The following LHCGR variants were observed in gnomAD, a reference collection of about 807,000 sequenced individuals.
LHCGR encodes the protein lutropin-choriogonadotropic hormone receptor.
Under a neutral mutation model 60.7 loss-of-function variants are expected in LHCGR, and 55 were observed. The ratio of observed to expected loss-of-function variants is 0.91; its 90% confidence interval spans 0.73 to 1.13. LHCGR has a LOEUF of 1.13. Ranked by LOEUF, LHCGR falls within the 50% of genes most tolerant of loss-of-function variation. LHCGR has a pLI of 0.00. For missense variants in LHCGR, 862 were observed against 836.0 expected (o/e 1.03, Z -0.38); for synonymous variants, 337 against 316.5 (o/e 1.06, Z -0.69).
rs776935567 is a variant in LHCGR at position 48,688,208 on chromosome 2, G to A, written c.1589C>T (p.Thr530Ile). ...ETTLSQVYIL[T>I]ILILNVVAFF... Reference sequence around the variant, plus strand: ...GGCCACCACATTGAGAATCAGGATGGTTAATATATAGACTTGTGAGAGAGT... The same window carrying A: ...GGCCACCACATTGAGAATCAGGATGATTAATATATAGACTTGTGAGAGAGT... The change falls in exon 11 of 11, where the codon ACC becomes ATC. Residue 530 changes from threonine (T) to isoleucine (I), a missense_variant. Coordinates refer to ENST00000294954, the MANE Select transcript of LHCGR (RefSeq NM_000233.4). This position sits in a 1 kb window ranked among gnomAD's most constrained non-coding sequence, Gnocchi z 5.2. 2.8e-5 allele frequency: 45 copies of A among 1,614,030 alleles called. No homozygotes were observed. Among genetic ancestry groups the A allele is most frequent in the Middle Eastern group, 1.6e-4 (1 of 6,084 alleles).
chr2:48,740,931 T>C (rs1386620271), intron 1 of LHCGR, among the ~76,000 whole-genome samples: 2 of 152,144 alleles, frequency 1.3e-5, no homozygotes, highest in Admixed American at 6.5e-5. Flanking sequence ...GCAAAGAAGT[T>C]GAAAACTTTG....
intron 4 of LHCGR, 26 bp from the exon 5 acceptor site, chr2:48,723,722 G>A: frequency 6.5e-7 from 1 of 1,548,740 alleles, no homozygotes; most frequent in South Asian, 1.1e-5. Context: ...GGATAGTGGT[G>A]TGGGCAGAGA....
At chr2:48,714,282 A>G (rs1668132774) in intron 6 of LHCGR, among the ~76,000 whole-genome samples, 1 of 152,156 alleles carries the variant, frequency 6.6e-6, no homozygotes, top group Admixed American at 6.5e-5. Context: ...CATCATTTCC[A>G]TTATACCGAC....
At chr2:48,737,937 C>A (rs978241787) in intron 1 of LHCGR, among the ~76,000 whole-genome samples, 2 of 152,182 alleles carry the variant, frequency 1.3e-5, no homozygotes, top group African/African-American at 2.4e-5. Flanking sequence ...AATTCAGAGG[C>A]AGATCTGGAC....
intron 1 of LHCGR, among the ~76,000 whole-genome samples, chr2:48,745,379 A>C (rs1454861992): frequency 6.6e-6 from 1 of 152,184 alleles, no homozygotes; most frequent in African/African-American, 2.4e-5. Flanking sequence ...TCATGCCGCT[A>C]TAAAGACACA....
intron 1 of LHCGR, among the ~76,000 whole-genome samples, chr2:48,750,804 AT>A (rs1194160312): frequency 5.3e-5 from 8 of 152,246 alleles, no homozygotes; most frequent in Admixed American, 3.9e-4. Flanking sequence ...GTGGGGAGGA[AT>A]TTCCCCCTGC....
rs760782224 is a variant in LHCGR, at chr2:48,688,029, T to C, written c.1768A>G (p.Ile590Val). Residue 590 changes from isoleucine to valine, a missense_variant, in exon 11 of 11, where the codon ATC becomes GTC. Physicochemically the swap from Ile to Val is conservative, Grantham distance 29. Transcript: ENST00000294954. The surrounding 1 kb of genome is among the most constrained non-coding windows in gnomAD (Gnocchi z 5.2). ...AGAGGTACTTTGAAGGCAGCTGAGA[T>C]GGCAAAAAAAGAGATAGGTGCCATG... ...TCMAPISFFA[I>V]SAAFKVPLIT... 1 of 1,614,138 alleles carries C rather than the reference T, an allele frequency of 6.2e-7. No individual in the cohort carries two copies. The highest frequency in any genetic ancestry group is 1.7e-5 in the Admixed American group (1 of 60,018).
intron 3 of LHCGR, among the ~76,000 whole-genome samples, chr2:48,726,682 G>A (rs1260026452): frequency 6.6e-6 from 1 of 152,240 alleles, no homozygotes; most frequent in Non-Finnish European, 1.5e-5. Context: ...TTGGTTAGGA[G>A]CATGGGCTCT....
chr2:48,718,656 A>G (rs1022549859), intron 6 of LHCGR, among the ~76,000 whole-genome samples: 1 of 152,240 alleles, frequency 6.6e-6, no homozygotes, highest in African/African-American at 2.4e-5. Context: ...TAAAGAAAAG[A>G]AAAGGAAGTC....
chr2:48,706,228 C>G (rs896578369), intron 8 of LHCGR, among the ~76,000 whole-genome samples: 1 of 152,246 alleles, frequency 6.6e-6, no homozygotes, highest in Non-Finnish European at 1.5e-5. Flanking sequence ...GGCCCCCACT[C>G]TCTTCTGGCT....
chr2:48,733,023 T>C (rs941920601), intron 1 of LHCGR: 5 of 524,492 alleles, frequency 9.5e-6, no homozygotes, highest in Non-Finnish European at 1.6e-5. Flanking sequence ...TGGAATCATG[T>C]TCGCTTGGCT....
At chr2:48,741,927 G>A (rs1669475025) in intron 1 of LHCGR, among the ~76,000 whole-genome samples, 1 of 152,080 alleles carries the variant, frequency 6.6e-6, no homozygotes, top group South Asian at 2.1e-4. Flanking sequence ...ACCCATCAGT[G>A]TGCTGTATTC....
intron 6 of LHCGR, among the ~76,000 whole-genome samples, chr2:48,715,431 G>C (rs537744357): frequency 6.6e-6 from 1 of 152,230 alleles, no homozygotes; most frequent in South Asian, 2.1e-4. Flanking sequence ...CGTGAGAAAG[G>C]GCTGTGGTGT....
chr2:48,706,525 C>A (rs1165328880), intron 8 of LHCGR, among the ~76,000 whole-genome samples: 2 of 152,236 alleles, frequency 1.3e-5, no homozygotes, highest in Non-Finnish European at 2.9e-5. Flanking sequence ...TTCAGGTACA[C>A]CAATCAAACG....
At chr2:48,750,322 A>G (rs887536028) in intron 1 of LHCGR, among the ~76,000 whole-genome samples, 1 of 152,046 alleles carries the variant, frequency 6.6e-6, no homozygotes, top group African/African-American at 2.4e-5. Flanking sequence ...GTTTGTTTTT[A>G]TTAAGGAATC....
rs993901391 is a variant in LHCGR at position 48,711,634 on chromosome 2, C to T, written c.605+2352G>A. On this transcript the variant is annotated intron_variant, in intron 7 of 10. Transcript: ENST00000294954. The stretch of plus-strand genomic sequence containing the variant: ...CTCCTAAATTTCTGTTTTTCCTGAC[C>T]TCACACAGACATACTGTGTTGGTTT... 5.9e-5 allele frequency among the ~76,000 whole-genome samples: 9 copies of T among 152,296 alleles called. No individual in the cohort carries two copies. The South Asian group carries it at 1.0e-3, about 18-fold the overall frequency.
intron 1 of LHCGR, among the ~76,000 whole-genome samples, chr2:48,738,562 T>G (rs536593294): frequency 5.2e-4 from 79 of 152,342 alleles, no homozygotes; most frequent in African/African-American, 1.7e-3. Context: ...TGTCTCAGCC[T>G]GGCATTCAAG....
chr2:48,742,877 C>G (rs1176168198), intron 1 of LHCGR, among the ~76,000 whole-genome samples: 1 of 151,916 alleles, frequency 6.6e-6, no homozygotes, highest in African/African-American at 2.4e-5. Context: ...ACACAAAAAA[C>G]CCTTCAAAAA....
intron 10 of LHCGR, among the ~76,000 whole-genome samples, chr2:48,690,051 T>A (rs1680146432): frequency 6.6e-6 from 1 of 152,180 alleles, no homozygotes. Flanking sequence ...TTAGTTTTCT[T>A]CCTGATATCC....
Sources: gnomAD v4.1 joint callset for allele counts (sites outside exome capture counted in the v4.1 genomes callset) on GRCh38, gnomAD v4.1.1 for gene constraint, Gnocchi (gnomAD v3.1) non-coding constraint, MANE v1.5 for transcripts, NCBI Gene and HGNC (gene_info 2026-07-23, HGNC 2026-07-21) for gene names.